Variants in CSMD3 observed in about 807,000 individuals in gnomAD.
CSMD3 encodes CUB and sushi domain-containing protein 3.
CSMD3 carries 177 observed loss-of-function variants against 435.2 expected under a neutral mutation model. That is an observed-to-expected ratio of 0.41 (90% CI 0.36 to 0.46). CSMD3 has a LOEUF of 0.46. Ranked by LOEUF, CSMD3 falls within the 20% of genes least tolerant of loss-of-function variation. The pLI is 0.34. For missense variants in CSMD3, 4,265 were observed against 4,504.6 expected (o/e 0.95, Z 1.52); for synonymous variants, 1,656 against 1,520.5 (o/e 1.09, Z -2.07).
chr8:112,653,660 CTTT>C (rs71309782), intron 18 of CSMD3, among the ~76,000 whole-genome samples: 7 of 130,148 alleles, frequency 5.4e-5, no homozygotes, highest in Non-Finnish European at 3.3e-5. Flanking sequence ...ATAATCTTAT[CTTT>C]TTTTTTTTTT....
At chr8:112,294,599 CA>C (rs1278141866) in intron 54 of CSMD3, among the ~76,000 whole-genome samples, 1 of 151,894 alleles carries the variant, frequency 6.6e-6, no homozygotes, top group Non-Finnish European at 1.5e-5. Context: ...CATAATATAG[CA>C]GTCATAATAA....
intron 3 of CSMD3, among the ~76,000 whole-genome samples, chr8:113,198,466 T>A (rs2092683608): frequency 6.6e-6 from 1 of 151,254 alleles, no homozygotes; most frequent in African/African-American, 2.4e-5. Context: ...AGCTCCAATT[T>A]TTGGAGCTGA....
chr8:112,696,400 G>A (rs1485867324), intron 13 of CSMD3, among the ~76,000 whole-genome samples: 1 of 152,108 alleles, frequency 6.6e-6, no homozygotes, highest in East Asian at 1.9e-4. Flanking sequence ...GAACAGAACA[G>A]AGCCCTCAGG....
At chr8:112,365,303 C>A (rs570854358) in intron 38 of CSMD3, among the ~76,000 whole-genome samples, 1 of 151,802 alleles carries the variant, frequency 6.6e-6, no homozygotes, top group East Asian at 1.9e-4. Context: ...ATATTTGAAA[C>A]TTATTTATAT....
In CSMD3 at chr8:112,408,962, A is replaced by T. The variant is rs1443266174; in HGVS notation, c.5466T>A (p.Thr1822=). Residue 1822 remains threonine (T), a synonymous_variant, in exon 33 of 71, where the codon ACT becomes ACA. Transcript: ENST00000297405. ...GGGAAGATAACAGAGAAGATTGCTG[A>T]GTTGGCCCATCATACACCTCAACAA... ...HDVVEVYDGP[T]QQSSLLSSLS... is the part of the protein sequence containing the mutation. 6.2e-7 allele frequency: 1 copy of T among 1,613,664 alleles called. No homozygotes were observed. Among genetic ancestry groups the T allele is most frequent in the South Asian group, 1.1e-5 (1 of 91,070 alleles).
intron 38 of CSMD3, among the ~76,000 whole-genome samples, chr8:112,354,247 G>C (rs1186014362): frequency 6.6e-6 from 1 of 152,078 alleles, no homozygotes; most frequent in Non-Finnish European, 1.5e-5. Context: ...ATAATACTGA[G>C]TGGGCAAAAG....
chr8:113,345,589 T>C (rs2094146379), intron 1 of CSMD3, among the ~76,000 whole-genome samples: 1 of 152,022 alleles, frequency 6.6e-6, no homozygotes, highest in African/African-American at 2.4e-5. Flanking sequence ...ACCCATGTTT[T>C]AGCCTGTTTG....
chr8:112,500,877 C>A (rs1265223043), intron 30 of CSMD3, among the ~76,000 whole-genome samples: 1 of 142,594 alleles, frequency 7.0e-6, no homozygotes, highest in Non-Finnish European at 1.5e-5. Flanking sequence ...ACAATATAGC[C>A]CCTGCCAGGC....
In CSMD3 at chr8:112,581,002, T is replaced by G. The variant is rs80094487; in HGVS notation, c.3885+6064A>C. On this transcript the variant is annotated intron_variant, in intron 23 of 70. Coordinates refer to ENST00000297405, the MANE Select transcript of CSMD3 (RefSeq NM_198123.2). ...ATTTATACAAAAATCTTTTGCTACA[T>G]TTCTTGCAAATTTTGATCCAGACTC... Among the ~76,000 whole-genome samples the G allele has an allele frequency of 3.3e-5, 5 of 152,220 alleles. No homozygotes were observed. The East Asian group carries it at 9.7e-4, about 29-fold the overall frequency.
intron 2 of CSMD3, among the ~76,000 whole-genome samples, chr8:113,293,645 T>G (rs1472772852): frequency 6.6e-6 from 1 of 152,162 alleles, no homozygotes; most frequent in Non-Finnish European, 1.5e-5. Flanking sequence ...ATTTTCTTTC[T>G]TTGCTAAATA....
At chr8:113,306,974 G>A (rs981809959) in intron 2 of CSMD3, among the ~76,000 whole-genome samples, 3 of 150,804 alleles carry the variant, frequency 2.0e-5, no homozygotes, top group African/African-American at 7.3e-5. Context: ...ATCCCTCAAC[G>A]TATCAAGAAA....
At chr8:112,271,850 A>C (rs1817556397) in intron 59 of CSMD3, among the ~76,000 whole-genome samples, 1 of 152,210 alleles carries the variant, frequency 6.6e-6, no homozygotes, top group Admixed American at 6.5e-5. Flanking sequence ...TGGTTTTAAT[A>C]TCTCTTCAAA....
intron 1 of CSMD3, among the ~76,000 whole-genome samples, chr8:113,343,169 T>G (rs1423754346): frequency 6.6e-6 from 1 of 152,104 alleles, no homozygotes; most frequent in African/African-American, 2.4e-5. Flanking sequence ...TTAGCAGAAA[T>G]TACTCTAAAG....
At chr8:112,278,134 C>T (rs766606948) in intron 59 of CSMD3, among the ~76,000 whole-genome samples, 1 of 152,150 alleles carries the variant, frequency 6.6e-6, no homozygotes, top group Non-Finnish European at 1.5e-5. Flanking sequence ...GGCAGTTGAT[C>T]ATGCTCTTTC....
At chr8:113,367,896 C>CATGATAATTG (rs1306003215) in intron 1 of CSMD3, among the ~76,000 whole-genome samples, 1 of 152,050 alleles carries the variant, frequency 6.6e-6, no homozygotes, top group Non-Finnish European at 1.5e-5. Flanking sequence ...TTATTTTCTT[C>CATGATAATTG]ATGATAATTG....
At chr8:112,941,609 T>G (rs1330948192) in intron 9 of CSMD3, among the ~76,000 whole-genome samples, 1 of 151,826 alleles carries the variant, frequency 6.6e-6, no homozygotes, top group African/African-American at 2.4e-5. Context: ...TCAAAGAGAT[T>G]ACTGCAATGT....
At position 113,013,967 on chromosome 8, in the gene CSMD3, T is replaced by C. The variant is rs150747162; in HGVS notation, c.1030+5100A>G. Among the ~76,000 whole-genome samples the C allele has an allele frequency of 1.5e-4, 23 of 152,290 alleles. No homozygotes were observed. In the East Asian group the frequency reaches 3.9e-3, roughly 26 times the overall value. On this transcript the variant is annotated intron_variant, in intron 6 of 70. Coordinates refer to ENST00000297405, the MANE Select transcript of CSMD3 (RefSeq NM_198123.2). ...GAGGTGGAGGCCACATTTGTGTTACTTCTGCAATTTCTGGTGCAGAACATA... is the reference window on the plus strand; with the variant it reads ...GAGGTGGAGGCCACATTTGTGTTACCTCTGCAATTTCTGGTGCAGAACATA...
At chr8:112,500,869 A>AAC (rs1821871824) in intron 30 of CSMD3, among the ~76,000 whole-genome samples, 2 of 149,546 alleles carry the variant, frequency 1.3e-5, no homozygotes, top group East Asian at 4.0e-4. Flanking sequence ...AGGAGAAGAC[A>AAC]ATATAGCCCC....
chr8:112,602,218 C>T (rs1161695671), intron 22 of CSMD3, among the ~76,000 whole-genome samples: 4 of 152,008 alleles, frequency 2.6e-5, no homozygotes, highest in Non-Finnish European at 5.9e-5. Context: ...TTTTTCAGCA[C>T]ATTTAAAGAA....
Sources: allele counts gnomAD v4.1 joint callset (sites outside exome capture counted in the v4.1 genomes callset), GRCh38; gene constraint gnomAD v4.1.1; transcripts MANE v1.5; gene names NCBI Gene and HGNC (gene_info 2026-07-23, HGNC 2026-07-21).